The following PAM variants were observed in gnomAD, a reference collection of about 807,000 sequenced individuals.
PAM encodes peptidylglycine alpha-amidating monooxygenase, also known as peptidyl-glycine alpha-amidating monooxygenase.
PAM carries 72 observed loss-of-function variants against 122.1 expected under a neutral mutation model. The ratio of observed to expected loss-of-function variants is 0.59; its 90% CI spans 0.49 to 0.72. The LOEUF is 0.72. PAM is among the 30% of genes least tolerant of loss of function. The probability of loss-of-function intolerance (pLI) is 0.00; values close to 1 mark genes in which losing one functional copy is unlikely to be tolerated. For synonymous variants in PAM, 389 were observed against 404.4 expected (o/e 0.96, Z 0.46); for missense variants, 1,106 against 1,183.7 (o/e 0.93, Z 0.96).
intron 21 of PAM, among the ~76,000 whole-genome samples, chr5:103,012,583 G>A (rs981028619): frequency 2.0e-5 from 3 of 152,088 alleles, no homozygotes; most frequent in Admixed American, 6.5e-5. Flanking sequence ...GGCCAGGCGC[G>A]GTGGCTCACG....
chr5:102,813,284 C>A (rs1168680445), intron 1 of PAM, among the ~76,000 whole-genome samples: 1 of 152,022 alleles, frequency 6.6e-6, no homozygotes, highest in African/African-American at 2.4e-5. Flanking sequence ...GGTCAGTGGG[C>A]GTGGATAAAA....
chr5:102,888,837 A>G (rs1343559510), intron 3 of PAM, among the ~76,000 whole-genome samples: 1 of 151,824 alleles, frequency 6.6e-6, no homozygotes, highest in East Asian at 1.9e-4. Flanking sequence ...TACCCTTTTT[A>G]CAAATATTAA....
At chr5:102,799,020 A>G (rs78566533) in intron 1 of PAM, among the ~76,000 whole-genome samples, 4,009 of 152,318 alleles carry the variant, frequency 0.026, 108 homozygotes, top group East Asian at 0.14. Flanking sequence ...AGCAACGTCA[A>G]TAACTTCTTT....
At chr5:102,882,313 G>A (rs971137763) in intron 3 of PAM, among the ~76,000 whole-genome samples, 2 of 151,168 alleles carry the variant, frequency 1.3e-5, no homozygotes, top group Non-Finnish European at 3.0e-5. Context: ...TTCCATAGTG[G>A]TTGTACTAGT....
rs1490248253 is a variant in PAM at position 102,866,194 on chromosome 5, A to G, written c.-2A>G. On this transcript the variant is annotated 5_prime_UTR_variant, in exon 2 of 26. Transcript: ENST00000438793. ...TCCCGGCGGGGTCGTATCGGCGTGG[A>G]CATGGCTGGCCGCGTCCCTAGCCTG... The G allele has an allele frequency of 6.2e-7, 1 of 1,610,068 alleles. No individual in the cohort carries two copies. Among genetic ancestry groups the G allele is most frequent in the Non-Finnish European group, 8.5e-7 (1 of 1,177,504 alleles).
chr5:102,899,987 G>A (rs533368433), intron 3 of PAM, among the ~76,000 whole-genome samples: 212 of 151,592 alleles, frequency 1.4e-3, no homozygotes, highest in Middle Eastern at 0.01. Context: ...AGAGCTGTGC[G>A]GTTATCTCCC....
At chr5:103,010,004 G>C in intron 21 of PAM, 138 bp downstream of exon 21, 1 of 357,404 alleles carries the variant, frequency 2.8e-6, no homozygotes. Flanking sequence ...AGGTTGATGG[G>C]AGTGTTCTAT....
rs1554059721 is a variant in PAM, at chr5:102,779,918, T to TACAC, written c.-374+24574_-374+24577dup. Among the ~76,000 whole-genome samples the TACAC allele has an allele frequency of 1.4e-3, 130 of 95,608 alleles. 3 individuals carry two copies. The highest frequency in any genetic ancestry group is 5.6e-3 in the African/African-American group (123 of 22,028). 62.7% of individuals were successfully genotyped at this position (95,608 alleles called of 152,430 possible). A position where few individuals can be genotyped will look rare whatever the true frequency, so the allele number is the denominator to read the frequency against. ...ATATATATATATATATATATATATATACACACATATATATATGTATATATC... is the reference window on the plus strand; with the variant it reads ...ATATATATATATATATATATATATATACACACACACATATATATATGTATATATC... On this transcript the variant is annotated intron_variant, in intron 1 of 25. Transcript: ENST00000438793.
At position 102,990,379 on chromosome 5, in the gene PAM, G is replaced by T. The variant is rs772356278; in HGVS notation, c.1591G>T (p.Gly531Cys). The change falls in exon 16 of 26, where the codon GGT becomes TGT. Residue 531 changes from glycine to cysteine, a missense_variant. Physicochemically the swap from Gly to Cys is radical, Grantham distance 159 (BLOSUM62 -3). Transcript: ENST00000438793. ...GAATAACCTGGTGATTTTCCACAGAGGTGACCATGTCTGGGATGGAAAGTA... is the reference window on the plus strand; with the variant it reads ...GAATAACCTGGTGATTTTCCACAGATGTGACCATGTCTGGGATGGAAAGTA... ...PKNNLVIFHR[G>C]DHVWDGNSFD... is the part of the protein sequence containing the mutation. 7.5e-6 allele frequency: 12 copies of T among 1,604,250 alleles called. No homozygotes were observed. In the East Asian group the frequency reaches 2.2e-4, roughly 30 times the overall value.
chr5:103,006,996 A>G lies in PAM; in HGVS notation c.1999A>G (p.Thr667Ala). 1 of 1,612,336 alleles carries G rather than the reference A, an allele frequency of 6.2e-7. No homozygotes were observed. The highest frequency in any genetic ancestry group is 8.5e-7 in the Non-Finnish European group (1 of 1,178,680). The change falls in exon 19 of 26, where the codon ACA becomes GCA. Residue 667 changes from threonine to alanine, a missense_variant. Thr to Ala is a moderately conservative substitution (Grantham distance 58). Coordinates refer to ENST00000438793, the MANE Select transcript of PAM (RefSeq NM_001177306.2). Reference sequence around the variant, plus strand: ...GTTTTCACCAAGTGGAAAGTTCATCACACAGTGGGGAGAAGGTACCCAATA... The same window carrying G: ...GTTTTCACCAAGTGGAAAGTTCATCGCACAGTGGGGAGAAGGTACCCAATA... ...VQFSPSGKFITQWGEESSGSS... is the reference protein window; with the variant it reads ...VQFSPSGKFIAQWGEESSGSS...
intron 3 of PAM, among the ~76,000 whole-genome samples, chr5:102,875,562 C>G (rs1327120863): frequency 2.0e-5 from 3 of 152,140 alleles, no homozygotes; most frequent in African/African-American, 7.2e-5. Flanking sequence ...TGCTACTAAT[C>G]TGAATTCTGG....
rs189156132 is a variant in PAM, at chr5:102,835,931, A to G, written c.-373-29892A>G. On this transcript the variant is annotated intron_variant, in intron 1 of 25. Transcript: ENST00000438793. Reference sequence around the variant, plus strand: ...TGTATTCAGAAATATATCATGTAACAGCTGTTGCAAAATTTGACTTAAAAA... The same window carrying G: ...TGTATTCAGAAATATATCATGTAACGGCTGTTGCAAAATTTGACTTAAAAA... Among the ~76,000 whole-genome samples, 372 of 152,284 alleles carry G rather than the reference A, an allele frequency of 2.4e-3. 2 individuals are homozygous for G. Among genetic ancestry groups the G allele is most frequent in the Middle Eastern group, 0.01 (3 of 294 alleles).
At chr5:102,866,674 A>C (rs1442211417) in intron 2 of PAM, 2 of 176,590 alleles carry the variant, frequency 1.1e-5, no homozygotes, top group Non-Finnish European at 2.4e-5. Flanking sequence ...GGAAACACTG[A>C]GCTGTATACA....
At chr5:102,913,329 A>G (rs1428256621) in intron 4 of PAM, among the ~76,000 whole-genome samples, 1 of 152,014 alleles carries the variant, frequency 6.6e-6, no homozygotes, top group Non-Finnish European at 1.5e-5. Flanking sequence ...ATAACTTCTA[A>G]TATCTTTTAA....
At chr5:102,863,421 T>C (rs1233295854) in intron 1 of PAM, among the ~76,000 whole-genome samples, 5 of 152,170 alleles carry the variant, frequency 3.3e-5, no homozygotes, top group Admixed American at 6.5e-5. Flanking sequence ...TCTTCTTTTT[T>C]CTTGCCCTCC....
chr5:103,007,582 G>T lies in PAM; in HGVS notation c.2140G>T (p.Asp714Tyr), dbSNP rs751482504. Reference sequence around the variant, plus strand: ...TGGTCGGATCCAGTGTTTTAAAACTGACACCAAAGAATTTGTGAGAGAGAT... The same window carrying T: ...TGGTCGGATCCAGTGTTTTAAAACTTACACCAAAGAATTTGTGAGAGAGAT... ...ENGRIQCFKT[D>Y]TKEFVREIKH... The change falls in exon 20 of 26, where the codon GAC (aspartate) becomes TAC (tyrosine). Residue 714 changes from aspartate to tyrosine, a missense_variant. Around this residue, in one of 3 missense-constraint regions of PAM, gnomAD observed 333 missense variants for 335.6 expected, o/e 0.99. Coordinates refer to ENST00000438793, the MANE Select transcript of PAM (RefSeq NM_001177306.2). 2 of 1,613,820 alleles carry T rather than the reference G, an allele frequency of 1.2e-6. No individual in the cohort carries two copies. The highest frequency in any genetic ancestry group is 1.7e-6 in the Non-Finnish European group (2 of 1,179,816).
At chr5:102,847,093 C>T (rs1780133924) in intron 1 of PAM, among the ~76,000 whole-genome samples, 1 of 152,000 alleles carries the variant, frequency 6.6e-6, no homozygotes, top group Non-Finnish European at 1.5e-5. Context: ...TTTCTTTCTC[C>T]CGAGTCCCAT....
At chr5:102,899,056 C>G (rs1796957716) in intron 3 of PAM, among the ~76,000 whole-genome samples, 1 of 151,236 alleles carries the variant, frequency 6.6e-6, no homozygotes, top group African/African-American at 2.4e-5. Context: ...TCCTTTCCCT[C>G]CCCTCCACTT....
intron 3 of PAM, among the ~76,000 whole-genome samples, chr5:102,893,508 C>G (rs981769178): frequency 1.3e-5 from 2 of 151,712 alleles, no homozygotes; most frequent in Admixed American, 1.3e-4. Flanking sequence ...TTGCACAGAA[C>G]TGTAACATTT....
Sources: gnomAD v4.1 joint callset for allele counts (sites outside exome capture counted in the v4.1 genomes callset) on GRCh38, gnomAD v4.1.1 for gene constraint, gnomAD v4.1.1 regional missense constraint, MANE v1.5 for transcripts, NCBI Gene and HGNC (gene_info 2026-07-23, HGNC 2026-07-21) for gene names.